HEXD: variants seen among roughly 807,000 people sequenced by gnomAD.
The protein encoded by HEXD is hexosaminidase D, also known as N-acetyl-beta-galactosaminidase.
A neutral mutation model predicts 54.2 loss-of-function variants in HEXD; 47 were observed. That is an observed-to-expected ratio of 0.87 (90% confidence interval 0.69 to 1.11). The LOEUF (loss-of-function observed/expected upper bound fraction) is 1.11, where lower values mean the gene tolerates loss of function less well. Ranked by LOEUF, HEXD falls within the 50% of genes least tolerant of loss-of-function variation. The pLI is 0.00. For synonymous variants in HEXD, 293 were observed against 287.6 expected (o/e 1.02, Z -0.19); for missense variants, 576 against 649.2 (o/e 0.89, Z 1.23).
In HEXD at chr17:82,442,131, A is replaced by C; in HGVS notation, c.1254-46A>C. On this transcript the variant is annotated intron_variant, in intron 12 of 12. Transcript: ENST00000327949. This position sits in a 1 kb window ranked among gnomAD's most constrained non-coding sequence, Gnocchi z 6.8. ...AGTACTGACCATGGGGCTGAGGGCA[A>C]GTCCCAAGTGTGCAGACTGTGCGTT... is the stretch of plus-strand genomic sequence containing the variant. The C allele has an allele frequency of 1.3e-6, 2 of 1,569,702 alleles. No individual in the cohort carries two copies. Among genetic ancestry groups the C allele is most frequent in the Non-Finnish European group, 1.7e-6 (2 of 1,159,812 alleles).
intron 7 of HEXD, chr17:82,436,950 C>G: frequency 1.6e-6 from 1 of 633,680 alleles, no homozygotes; most frequent in Admixed American, 2.9e-5. Context: ...CAGTGTTTTC[C>G]TAGTGAGCAG....
chr17:82,436,089 G>A (rs893777581), intron 6 of HEXD, among the ~76,000 whole-genome samples: 2 of 152,264 alleles, frequency 1.3e-5, no homozygotes, highest in Non-Finnish European at 1.5e-5. Flanking sequence ...CTGCCTGGTG[G>A]CCCAGAGGGC....
At chr17:82,438,679 G>C (rs555230026) in intron 8 of HEXD, among the ~76,000 whole-genome samples, 3 of 152,226 alleles carry the variant, frequency 2.0e-5, no homozygotes, top group Admixed American at 6.5e-5. Flanking sequence ...GACCCACCAG[G>C]GGCCCCGTGC....
rs749811135 is a variant in HEXD, at chr17:82,439,792, G to T, written c.982+79G>T. On this transcript the variant is annotated intron_variant, in intron 9 of 12. Coordinates refer to ENST00000327949, the MANE Select transcript of HEXD (RefSeq NM_001330542.2). ...GAGGGCAGGAGGCCAAGCACCCAGT[G>T]CTCCAACCACCCTGCTGGACTGTGG... The T allele has an allele frequency of 1.1e-5, 17 of 1,595,682 alleles. No individual in the cohort carries two copies. In the East Asian group the frequency reaches 3.6e-4, roughly 34 times the overall value.
intron 3 of HEXD, chr17:82,427,043 GGA>G (rs1333637938): frequency 6.6e-6 from 1 of 152,188 alleles, no homozygotes; most frequent in Non-Finnish European, 1.5e-5. Flanking sequence ...GGCTGAGGCA[GGA>G]GAATGGCGGG....
At chr17:82,426,918 A>T (rs2053433250) in intron 3 of HEXD, 1 of 152,106 alleles carries the variant, frequency 6.6e-6, no homozygotes, top group African/African-American at 2.4e-5. Context: ...GGCGGATCAC[A>T]AGATCAGGAG....
chr17:82,435,747 G>A lies in HEXD; in HGVS notation c.506G>A (p.Ser169Asn). The A allele has an allele frequency of 6.2e-7, 1 of 1,613,044 alleles. No individual in the cohort carries two copies. Among genetic ancestry groups the A allele is most frequent in the East Asian group, 2.2e-5 (1 of 44,878 alleles). Residue 169 changes from serine (S) to asparagine (N), a missense_variant, in exon 6 of 13, where the codon AGC (serine) becomes AAC (asparagine). By Grantham distance (46) the Ser-to-Asn change is conservative (BLOSUM62 1). Transcript: ENST00000327949. ...CGGTGGCTACAGCAAGAGCAGAACA[G>A]CACGGGGAAGTTGTGCCTGTCACAC... ...SRRWLQQEQN[S>N]TGKLCLSHMR...
intron 4 of HEXD, among the ~76,000 whole-genome samples, chr17:82,428,947 G>T (rs2143480688): frequency 6.6e-6 from 1 of 152,212 alleles, no homozygotes; most frequent in South Asian, 2.1e-4. Flanking sequence ...GTAAAACACA[G>T]TATTAGGGAA....
intron 5 of HEXD, 137 bp from the exon 6 acceptor site, chr17:82,435,552 G>C (rs2143571874): frequency 5.2e-6 from 4 of 775,256 alleles, no homozygotes; most frequent in Middle Eastern, 3.8e-4. Flanking sequence ...GGGGTGGTAA[G>C]CAAAGGCTCC....
chr17:82,419,814 T>C lies in HEXD; in HGVS notation c.15T>C (p.Thr5=). ...GAAATATTGAAATGTCAGGTTCCAC[T>C]CCATTTCAGATGAGATTAGTTCATT... MSGS[T]PFQMRLVHLD... The change falls in exon 2 of 13, where the codon ACT becomes ACC. Residue 5 remains threonine (T), a synonymous_variant. Coordinates refer to ENST00000327949, the MANE Select transcript of HEXD (RefSeq NM_001330542.2). The C allele has an allele frequency of 6.2e-7, 1 of 1,607,800 alleles. No homozygotes were observed. Among genetic ancestry groups the C allele is most frequent in the Non-Finnish European group, 8.5e-7 (1 of 1,174,754 alleles).
intron 4 of HEXD, 108 bp downstream of exon 4, chr17:82,428,753 T>G: frequency 1.1e-6 from 1 of 903,114 alleles, no homozygotes; most frequent in East Asian, 2.4e-5. Context: ...ATGGTTGGGG[T>G]GCAGGCAGCG....
rs1567897937 is a variant in HEXD at position 82,441,056 on chromosome 17, G to A, written c.1042G>A (p.Glu348Lys). 12 of 1,613,558 alleles carry A rather than the reference G, an allele frequency of 7.4e-6. No homozygotes were observed. Among genetic ancestry groups the A allele is most frequent in the Non-Finnish European group, 9.3e-6 (11 of 1,179,970 alleles). ...GAACCTTCTCGGGATTTCCAGCCTG[G>A]AAAAAACGGACCCTGTTAGGCAAGC... is the stretch of plus-strand genomic sequence containing the variant. ...VENLLGISSLEKTDPVREGAG... is the reference protein window; with the variant it reads ...VENLLGISSLKKTDPVREGAG... Residue 348 changes from glutamate to lysine, a missense_variant, in exon 10 of 13, where the codon GAA (glutamate) becomes AAA (lysine). Coordinates refer to ENST00000327949, the MANE Select transcript of HEXD (RefSeq NM_001330542.2).
chr17:82,428,327 C>T (rs992086381), intron 3 of HEXD, among the ~76,000 whole-genome samples: 1 of 152,144 alleles, frequency 6.6e-6, no homozygotes. Flanking sequence ...ATTCTCTTGT[C>T]GTGGGTTGAA....
chr17:82,433,829 A>C lies in HEXD; in HGVS notation c.447+7A>C, dbSNP rs1449592550. On this transcript the variant is annotated splice_region_variant and intron_variant, in intron 5 of 12. Transcript: ENST00000327949. ...GCACATCGGGTGTGATGAGGTGGGT[A>C]CTGTCACCCCAGCTCTGTGCAGGAC... 6.2e-7 allele frequency: 1 copy of C among 1,609,458 alleles called. No individual in the cohort carries two copies. The highest frequency in any genetic ancestry group is 8.5e-7 in the Non-Finnish European group (1 of 1,178,018).
At chr17:82,437,829 G>A (rs959066405) in intron 8 of HEXD, among the ~76,000 whole-genome samples, 2 of 152,212 alleles carry the variant, frequency 1.3e-5, no homozygotes, top group African/African-American at 2.4e-5. Flanking sequence ...GGAGCCCTCG[G>A]AAGGCCAGCA....
intron 9 of HEXD, chr17:82,440,624 G>A (rs2053907248): frequency 6.1e-6 from 2 of 328,580 alleles, no homozygotes; most frequent in Non-Finnish European, 1.1e-5. Context: ...GTTTGTTTCG[G>A]GTGCTCTAGA....
In HEXD at chr17:82,428,648, G is replaced by A; in HGVS notation, c.282+3G>A. ...TGCAGACATTTGGACACATGGAGGT[G>A]AGTGGCAGAAATGGAAGTTACCTGG... On this transcript the variant is annotated splice_donor_region_variant and intron_variant, in intron 4 of 12. Transcript: ENST00000327949. 1 of 1,612,424 alleles carries A rather than the reference G, an allele frequency of 6.2e-7. No individual in the cohort carries two copies. Among genetic ancestry groups the A allele is most frequent in the South Asian group, 1.1e-5 (1 of 91,066 alleles).
Position 82,433,645 on chromosome 17 carries a change from T to A in HEXD, c.283-13T>A, listed in dbSNP as rs2053675513. The A allele has an allele frequency of 6.5e-7, 1 of 1,548,562 alleles. No homozygotes were observed. Among genetic ancestry groups the A allele is most frequent in the Non-Finnish European group, 8.7e-7 (1 of 1,154,354 alleles). On this transcript the variant is annotated splice_polypyrimidine_tract_variant and intron_variant, in intron 4 of 12. Transcript: ENST00000327949. ...CCTCCGCCCCCAACGCGAACTTCTC[T>A]GTCTCTCCGCAGTTTGTGCTGAAGC...
At position 82,441,074 on chromosome 17, in the gene HEXD, A is replaced by T. The variant is rs2053932285; in HGVS notation, c.1060A>T (p.Arg354Trp). The change falls in exon 10 of 13, where the codon AGG becomes TGG. Residue 354 changes from arginine to tryptophan, a missense_variant and splice_region_variant. By Grantham distance (101) the Arg-to-Trp change is moderately radical. Transcript: ENST00000327949. ...CAGCCTGGAAAAAACGGACCCTGTT[A>T]GGCAAGCACCCTGCAGCCCTCCCTG... Reference protein sequence around the residue: ...ISSLEKTDPVREGAGSFPGSN... With the variant: ...ISSLEKTDPVWEGAGSFPGSN... 6.2e-7 allele frequency: 1 copy of T among 1,613,568 alleles called. No individual in the cohort carries two copies. The highest frequency in any genetic ancestry group is 1.3e-5 in the African/African-American group (1 of 75,038).
Sources: gnomAD v4.1 joint callset for allele counts (sites outside exome capture counted in the v4.1 genomes callset) on GRCh38, gnomAD v4.1.1 for gene constraint, Gnocchi (gnomAD v3.1) non-coding constraint, MANE v1.5 for transcripts, NCBI Gene and HGNC (gene_info 2026-07-23, HGNC 2026-07-21) for gene names.